GRN: variants seen among roughly 807,000 people sequenced by gnomAD.
The protein encoded by GRN is progranulin.
In GRN, 30 loss-of-function variants were observed where a neutral mutation model predicts 66.7. That is an observed-to-expected ratio of 0.45 (90% CI 0.34 to 0.61). The LOEUF is 0.61. Among genes scored for constraint, GRN ranks in the 20% least tolerant of loss-of-function variants. The pLI is 0.01. For synonymous variants in GRN, 327 were observed against 311.1 expected (o/e 1.05, Z -0.54); for missense variants, 731 against 803.5 (o/e 0.91, Z 1.09).
chr17:44,352,170 C>A lies in GRN; in HGVS notation c.1335C>A (p.Asp445Glu). Residue 445 changes from aspartate to glutamate, a missense_variant, in exon 11 of 13, where the codon GAC becomes GAA. Physicochemically the swap from Asp to Glu is conservative, Grantham distance 45 (BLOSUM62 2). Transcript: ENST00000053867. Reference protein sequence around the residue: ...SLSHPRDIGCDQHTSCPVGQT... With the variant: ...SLSHPRDIGCEQHTSCPVGQT... Reference sequence around the variant, plus strand: ...CCCACCCCAGAGACATCGGCTGTGACCAGCACACCAGCTGCCCGGTGGGGC... The same window carrying A: ...CCCACCCCAGAGACATCGGCTGTGAACAGCACACCAGCTGCCCGGTGGGGC... The A allele has an allele frequency of 1.2e-6, 2 of 1,613,686 alleles. No homozygotes were observed. Among genetic ancestry groups the A allele is most frequent in the Middle Eastern group, 3.3e-4 (2 of 6,062 alleles).
intron 4 of GRN, 191 bp downstream of exon 4, chr17:44,349,942 C>A: frequency 3.1e-6 from 2 of 641,420 alleles, no homozygotes; most frequent in Non-Finnish European, 5.6e-6. Flanking sequence ...GGAGAAAGTG[C>A]AAGACTCCAG....
rs1157905321 is a variant in GRN, at chr17:44,351,531, C to T, written c.934-19C>T. The T allele has an allele frequency of 4.3e-6, 7 of 1,613,998 alleles. No homozygotes were observed. The highest frequency in any genetic ancestry group is 5.9e-6 in the Non-Finnish European group (7 of 1,179,984). On this transcript the variant is annotated intron_variant, in intron 9 of 12. Transcript: ENST00000053867. Reference sequence around the variant, plus strand: ...CAGCCGGGCCCCAGTGCCCACCTGCCCTTCTTCATCTGCCCTAGGCTGTGT... The same window carrying T: ...CAGCCGGGCCCCAGTGCCCACCTGCTCTTCTTCATCTGCCCTAGGCTGTGT...
rs2048387605 is a variant in GRN at position 44,352,511 on chromosome 17, T to C, written c.1584T>C (p.His528=). 2.5e-6 allele frequency: 4 copies of C among 1,613,562 alleles called. No individual in the cohort carries two copies. Among genetic ancestry groups the C allele is most frequent in the East Asian group, 2.2e-5 (1 of 44,842 alleles). The change falls in exon 12 of 13, where the codon CAT becomes CAC. Residue 528 remains histidine, a synonymous_variant. Transcript: ENST00000053867. ...AGTGTGGGGAAGGACACTTCTGCCATGATAACCAGACCTGCTGCCGAGACA... is the reference window on the plus strand; with the variant it reads ...AGTGTGGGGAAGGACACTTCTGCCACGATAACCAGACCTGCTGCCGAGACA... ...DVECGEGHFC[H]DNQTCCRDNR... is the part of the protein sequence containing the mutation.
rs1372439127 is a variant in GRN, at chr17:44,352,420, A to G, written c.1493A>G (p.Glu498Gly). The G allele has an allele frequency of 6.2e-7, 1 of 1,614,088 alleles. No homozygotes were observed. Among genetic ancestry groups the G allele is most frequent in the Admixed American group, 1.7e-5 (1 of 60,030 alleles). ...GTGAAGGCTCGATCCTGCGAGAAGGAAGTGGTCTCTGCCCAGCCTGCCACC... is the reference window on the plus strand; with the variant it reads ...GTGAAGGCTCGATCCTGCGAGAAGGGAGTGGTCTCTGCCCAGCCTGCCACC... ...CNVKARSCEK[E>G]VVSAQPATFL... The change falls in exon 12 of 13, where the codon GAA becomes GGA. Residue 498 changes from glutamate to glycine, a missense_variant. Physicochemically the swap from Glu to Gly is moderately conservative, Grantham distance 98. Coordinates refer to ENST00000053867, the MANE Select transcript of GRN (RefSeq NM_002087.4).
At chr17:44,347,954 C>G (rs1251346214) in intron 1 of GRN, among the ~76,000 whole-genome samples, 4 of 143,062 alleles carry the variant, frequency 2.8e-5, no homozygotes, top group African/African-American at 5.1e-5. Context: ...AGGGGGTGAG[C>G]AGACGTGGTG....
At chr17:44,349,914 T>C (rs147608773) in intron 4 of GRN, 163 bp downstream of exon 4, 22 of 658,702 alleles carry the variant, frequency 3.3e-5, no homozygotes, top group South Asian at 3.3e-4. Flanking sequence ...GGGGCAGCAC[T>C]GGGGATAGGA....
At position 44,350,310 on chromosome 17, in the gene GRN, T is replaced by C. The variant is rs754154042; in HGVS notation, c.432T>C (p.Asp144=). 5.6e-6 allele frequency: 9 copies of C among 1,597,396 alleles called. No homozygotes were observed. In the South Asian group the frequency reaches 8.8e-5, roughly 16 times the overall value. The change falls in exon 5 of 13, where the codon GAT becomes GAC. Residue 144 remains aspartate (D), a synonymous_variant. Transcript: ENST00000053867. ...TCTCCACGTGCTGTGTTATGGTCGA[T>C]GGCTCCTGGGGGTGCTGCCCCATGC... ...PDFSTCCVMV[D]GSWGCCPMPQ... is the part of the protein sequence containing the mutation.
In GRN at chr17:44,351,746, C is replaced by A. The variant is rs1039601216; in HGVS notation, c.1130C>A (p.Thr377Asn). The A allele has an allele frequency of 6.2e-7, 1 of 1,613,572 alleles. No homozygotes were observed. Among genetic ancestry groups the A allele is most frequent in the Non-Finnish European group, 8.5e-7 (1 of 1,179,768 alleles). ...GTCAGCAGCTGTCCCTCCTCCGATACCTGCTGCCAACTCACGTCTGGGGAG... is the reference window on the plus strand; with the variant it reads ...GTCAGCAGCTGTCCCTCCTCCGATAACTGCTGCCAACTCACGTCTGGGGAG... ...DNVSSCPSSDTCCQLTSGEWG... is the reference protein window; with the variant it reads ...DNVSSCPSSDNCCQLTSGEWG... The change falls in exon 10 of 13, where the codon ACC becomes AAC. Residue 377 changes from threonine to asparagine, a missense_variant. Thr to Asn is a moderately conservative substitution (Grantham distance 65, BLOSUM62 0). Around this residue, in one of 3 missense-constraint regions of GRN, gnomAD observed 319 missense variants for 347.2 expected, o/e 0.92. Transcript: ENST00000053867.
Position 44,345,357 on chromosome 17 carries a change from C to T in GRN, c.-8+23C>T, listed in dbSNP as rs1249441937. 3.4e-5 allele frequency: 4 copies of T among 116,810 alleles called. No individual in the cohort carries two copies. In the East Asian group the frequency reaches 7.6e-4, roughly 22 times the overall value. The allele number at this position is 116,810 out of a possible 1,614,324, so 7.2% of individuals were successfully genotyped here. A position where few individuals can be genotyped will look rare whatever the true frequency, so the allele number is the denominator to read the frequency against. ...CAGGTAGGAGAGCGGCCGCGCAGAC[C>T]TCTCGCCTGCTCCTGCCCAGGGGCC... On this transcript the variant is annotated intron_variant, in intron 1 of 12. Coordinates refer to ENST00000053867, the MANE Select transcript of GRN (RefSeq NM_002087.4).
chr17:44,348,158 C>T (rs1206186532), intron 1 of GRN, among the ~76,000 whole-genome samples: 1 of 152,176 alleles, frequency 6.6e-6, no homozygotes, highest in Non-Finnish European at 1.5e-5. Context: ...AGTCTTGTAA[C>T]TGGCTCCCAA....
intron 1 of GRN, chr17:44,345,726 C>A (rs1298516565): frequency 3.9e-5 from 6 of 152,208 alleles, no homozygotes; most frequent in Admixed American, 3.9e-4. Flanking sequence ...AGACCTGAGA[C>A]CTTGGCTTCT....
chr17:44,351,917 G>A lies in GRN; in HGVS notation c.1180-98G>A, dbSNP rs1598365345. The A allele has an allele frequency of 8.9e-6, 13 of 1,464,508 alleles. No individual in the cohort carries two copies. The South Asian group carries it at 1.1e-4, about 13-fold the overall frequency. The allele number at this position is 1,464,508 out of a possible 1,614,324, so 90.7% of individuals were successfully genotyped here. On this transcript the variant is annotated intron_variant, in intron 10 of 12. Coordinates refer to ENST00000053867, the MANE Select transcript of GRN (RefSeq NM_002087.4). ...CTGACAGATTCGTCCCCAGCTGGAG[G>A]TGCTGTAAGCAGGAGAGGCGGGCTG...
intron 10 of GRN, 107 bp downstream of exon 10, chr17:44,351,902 C>A (rs933549378): frequency 6.1e-6 from 9 of 1,483,306 alleles, no homozygotes; most frequent in Non-Finnish European, 7.5e-6. Flanking sequence ...CTGACAGATT[C>A]GTCCCCAGCT....
intron 1 of GRN, among the ~76,000 whole-genome samples, chr17:44,348,794 C>G (rs2048344054): frequency 6.6e-6 from 1 of 152,238 alleles, no homozygotes; most frequent in Non-Finnish European, 1.5e-5. Context: ...TCCCCTCACC[C>G]CAGAGGTGGC....
chr17:44,348,552 C>T (rs903474517), intron 1 of GRN, among the ~76,000 whole-genome samples: 4 of 152,204 alleles, frequency 2.6e-5, no homozygotes, highest in African/African-American at 2.4e-5. Context: ...AGATGGTGAC[C>T]TCTGGGGAAG....
chr17:44,352,636 C>T, intron 12 of GRN, 25 bp from the exon 13 acceptor site: 1 of 1,610,248 alleles, frequency 6.2e-7, no homozygotes, highest in Non-Finnish European at 8.5e-7. Flanking sequence ...TCGTCCAACC[C>T]TCTCGCCCCC....
chr17:44,352,901 C>T lies in GRN; in HGVS notation c.*103C>T. The T allele has an allele frequency of 1.8e-6, 2 of 1,093,606 alleles. No individual in the cohort carries two copies. The highest frequency in any genetic ancestry group is 5.0e-5 in the East Asian group (2 of 39,624). 67.7% of individuals were successfully genotyped at this position (1,093,606 alleles called of 1,614,324 possible). A position where few individuals can be genotyped will look rare whatever the true frequency, so the allele number is the denominator to read the frequency against. On this transcript the variant is annotated 3_prime_UTR_variant, in exon 13 of 13. Coordinates refer to ENST00000053867, the MANE Select transcript of GRN (RefSeq NM_002087.4). Reference sequence around the variant, plus strand: ...CCCCTAACCAAATTCTCCCTGGACCCCATTCTGAGCTCCCCATCACCATGG... The same window carrying T: ...CCCCTAACCAAATTCTCCCTGGACCTCATTCTGAGCTCCCCATCACCATGG...
intron 1 of GRN, among the ~76,000 whole-genome samples, chr17:44,346,866 A>G (rs952552347): frequency 6.6e-6 from 1 of 152,222 alleles, no homozygotes; most frequent in African/African-American, 2.4e-5. Context: ...CTGTAATCCC[A>G]CCACTTTGGG....
chr17:44,347,350 G>A (rs1486765431), intron 1 of GRN, among the ~76,000 whole-genome samples: 4 of 151,954 alleles, frequency 2.6e-5, no homozygotes, highest in East Asian at 2.0e-4. Flanking sequence ...GTATGTTGGC[G>A]TGATCTCTGC....
Sources: allele counts gnomAD v4.1 joint callset (sites outside exome capture counted in the v4.1 genomes callset), GRCh38; gene constraint gnomAD v4.1.1; regional missense constraint gnomAD v4.1.1; transcripts MANE v1.5; gene names NCBI Gene and HGNC (gene_info 2026-07-23, HGNC 2026-07-21).